PRKCE: variants seen among roughly 807,000 people sequenced by gnomAD.
The protein encoded by PRKCE is protein kinase C epsilon.
A neutral mutation model predicts 85.4 loss-of-function variants in PRKCE; 16 were observed. The ratio of observed to expected loss-of-function variants is 0.19; its 90% CI spans 0.13 to 0.28. The LOEUF is 0.28. Ranked by LOEUF, PRKCE falls within the 10% of genes least tolerant of loss-of-function variation. The pLI is 1.00. For missense variants in PRKCE, 573 were observed against 975.2 expected (o/e 0.59, Z 5.49); for synonymous variants, 388 against 371.5 (o/e 1.04, Z -0.51).
intron 5 of PRKCE, 106 bp from the exon 6 acceptor site, chr2:45,984,445 C>T (rs556095279): frequency 1.3e-6 from 2 of 1,498,550 alleles, no homozygotes; most frequent in South Asian, 2.6e-5. Flanking sequence ...CTGCCACCTA[C>T]AATGACACAA....
chr2:45,752,699 G>A (rs946537620), intron 1 of PRKCE, among the ~76,000 whole-genome samples: 1 of 151,988 alleles, frequency 6.6e-6, no homozygotes, highest in African/African-American at 2.4e-5. Flanking sequence ...CATCTCCTGC[G>A]TCTGCAGGCG....
At chr2:45,971,010 A>AT (rs941299670) in intron 2 of PRKCE, among the ~76,000 whole-genome samples, 25 of 151,718 alleles carry the variant, frequency 1.6e-4, no homozygotes, top group African/African-American at 4.1e-4. Flanking sequence ...CATTTTATTT[A>AT]TTTTTTTTGT....
At chr2:46,136,580 C>T (rs913428719) in intron 11 of PRKCE, among the ~76,000 whole-genome samples, 2 of 152,164 alleles carry the variant, frequency 1.3e-5, no homozygotes, top group African/African-American at 4.8e-5. Context: ...ATCTGCAAAC[C>T]TATGATGATA....
intron 11 of PRKCE, among the ~76,000 whole-genome samples, chr2:46,137,118 G>A (rs750449269): frequency 4.6e-5 from 7 of 152,146 alleles, no homozygotes; most frequent in Admixed American, 1.3e-4. Context: ...TAGCACTTTC[G>A]CAGAGGTTAC....
intron 1 of PRKCE, among the ~76,000 whole-genome samples, chr2:45,763,728 G>T (rs1040734916): frequency 1.3e-5 from 2 of 152,122 alleles, no homozygotes; most frequent in Non-Finnish European, 2.9e-5. Context: ...AGTCAGGAAG[G>T]GCCCAAGGGA....
chr2:45,656,097 C>T (rs1675367016), intron 1 of PRKCE, among the ~76,000 whole-genome samples: 1 of 152,116 alleles, frequency 6.6e-6, no homozygotes, highest in South Asian at 2.1e-4. Context: ...ACAAGGTTTC[C>T]CAAATTTAAG....
intron 1 of PRKCE, among the ~76,000 whole-genome samples, chr2:45,805,089 T>C (rs1688143865): frequency 6.6e-6 from 1 of 152,154 alleles, no homozygotes; most frequent in Non-Finnish European, 1.5e-5. Flanking sequence ...ATTCAATAAT[T>C]AGAATAGCTA....
chr2:45,710,906 G>C (rs1177247361), intron 1 of PRKCE, among the ~76,000 whole-genome samples: 3 of 152,238 alleles, frequency 2.0e-5, no homozygotes, highest in Non-Finnish European at 4.4e-5. Context: ...GGGGTGCTGG[G>C]AGAGAGGGGG....
chr2:46,125,672 A>G (rs1673778925), intron 11 of PRKCE, among the ~76,000 whole-genome samples: 1 of 152,220 alleles, frequency 6.6e-6, no homozygotes, highest in African/African-American at 2.4e-5. Flanking sequence ...TCTTAAATTC[A>G]TGCATGCCAA....
rs914021470 is a variant in PRKCE at position 46,068,170 on chromosome 2, C to T, written c.1438-18038C>T. 6.6e-6 allele frequency among the ~76,000 whole-genome samples: 1 copy of T among 152,040 alleles called. No individual in the cohort carries two copies. Among genetic ancestry groups the T allele is most frequent in the Admixed American group, 6.6e-5 (1 of 15,266 alleles). On this transcript the variant is annotated intron_variant, in intron 10 of 14. Coordinates refer to ENST00000306156, the MANE Select transcript of PRKCE (RefSeq NM_005400.3). The surrounding 1 kb of genome is among the most constrained non-coding windows in gnomAD (Gnocchi z 4.3). ...CAGAGGGTCATGAATTAGTATAAACCTTAGCTGGTCTGTATCCAGGATGAA... is the reference window on the plus strand; with the variant it reads ...CAGAGGGTCATGAATTAGTATAAACTTTAGCTGGTCTGTATCCAGGATGAA...
chr2:46,103,372 G>A (rs760602535), intron 11 of PRKCE, among the ~76,000 whole-genome samples: 145 of 152,158 alleles, frequency 9.5e-4, no homozygotes, highest in Non-Finnish European at 1.7e-3. Context: ...TTGGAGAATG[G>A]AAATAGAAAC....
chr2:45,667,716 G>A (rs917808836), intron 1 of PRKCE, among the ~76,000 whole-genome samples: 8 of 152,000 alleles, frequency 5.3e-5, no homozygotes, highest in African/African-American at 1.7e-4. Context: ...TAAAAAAATA[G>A]GGCAGAAAGT....
intron 10 of PRKCE, among the ~76,000 whole-genome samples, chr2:46,070,979 T>A (rs1668040643): frequency 6.6e-6 from 1 of 152,200 alleles, no homozygotes; most frequent in Non-Finnish European, 1.5e-5. Flanking sequence ...TGCCTTAGAT[T>A]ATCATTTTCT....
At chr2:45,987,766 A>G (rs905774503) in intron 6 of PRKCE, among the ~76,000 whole-genome samples, 3 of 152,218 alleles carry the variant, frequency 2.0e-5, no homozygotes, top group Non-Finnish European at 4.4e-5. Flanking sequence ...TGATAGTATC[A>G]TACAGATTAG....
intron 2 of PRKCE, among the ~76,000 whole-genome samples, chr2:45,858,500 T>C (rs1273275942): frequency 6.6e-6 from 1 of 152,206 alleles, no homozygotes; most frequent in Non-Finnish European, 1.5e-5. Flanking sequence ...GCTGAACTTA[T>C]ATTGTATATC....
intron 1 of PRKCE, among the ~76,000 whole-genome samples, chr2:45,663,131 A>T (rs1675753480): frequency 6.6e-6 from 1 of 152,180 alleles, no homozygotes; most frequent in South Asian, 2.1e-4. Flanking sequence ...TGTATTAAAG[A>T]CTCAAGATGG....
intron 2 of PRKCE, among the ~76,000 whole-genome samples, chr2:45,876,359 C>T (rs1015183655): frequency 6.6e-6 from 1 of 152,196 alleles, no homozygotes; most frequent in Non-Finnish European, 1.5e-5. Flanking sequence ...ATCTTTGCCT[C>T]GCATTTCATA....
intron 2 of PRKCE, among the ~76,000 whole-genome samples, chr2:45,910,635 T>C (rs970537330): frequency 6.6e-6 from 1 of 152,210 alleles, no homozygotes; most frequent in Non-Finnish European, 1.5e-5. Context: ...TGAAGTGTTA[T>C]CTGTTGGATA....
chr2:45,870,117 G>C lies in PRKCE; in HGVS notation c.412+27054G>C, dbSNP rs138062751. Among the ~76,000 whole-genome samples the C allele has an allele frequency of 2.3e-3, 345 of 152,254 alleles. 3 individuals carry two copies. The highest frequency in any genetic ancestry group is 8.2e-3 in the African/African-American group (339 of 41,544). Reference sequence around the variant, plus strand: ...GTCATTTGGATTTGCCTTCCCATCAGGCCCATTGCAGCTACCTCTGAAGGG... The same window carrying C: ...GTCATTTGGATTTGCCTTCCCATCACGCCCATTGCAGCTACCTCTGAAGGG... On this transcript the variant is annotated intron_variant, in intron 2 of 14. Coordinates refer to ENST00000306156, the MANE Select transcript of PRKCE (RefSeq NM_005400.3).
Sources: allele counts gnomAD v4.1 joint callset (sites outside exome capture counted in the v4.1 genomes callset), GRCh38; gene constraint gnomAD v4.1.1; non-coding constraint Gnocchi (gnomAD v3.1); transcripts MANE v1.5; gene names NCBI Gene and HGNC (gene_info 2026-07-23, HGNC 2026-07-21).